The following PCDHGA7 variants were observed in gnomAD, a reference collection of about 807,000 sequenced individuals.
The protein encoded by PCDHGA7 is protocadherin gamma-A7.
In PCDHGA7, 44 loss-of-function variants were observed where a neutral mutation model predicts 58.3. That is an observed-to-expected ratio of 0.75 (90% CI 0.59 to 0.97). The LOEUF (loss-of-function observed/expected upper bound fraction) is 0.97, where lower values mean the gene tolerates loss of function less well. PCDHGA7 is among the 50% of genes least tolerant of loss of function. The probability of loss-of-function intolerance (pLI) is 0.00; values close to 1 mark genes in which losing one functional copy is unlikely to be tolerated. For missense variants in PCDHGA7, 1,266 were observed against 1,188.7 expected (o/e 1.06, Z -0.96); for synonymous variants, 516 against 504.2 (o/e 1.02, Z -0.31).
At chr5:141,415,081 C>T in intron 1 of PCDHGA7, 1 of 1,613,522 alleles carries the variant, frequency 6.2e-7, no homozygotes, top group Non-Finnish European at 8.5e-7. Context: ...GGCGCGAGCC[C>T]TGCTGGACAG....
intron 1 of PCDHGA7, among the ~76,000 whole-genome samples, chr5:141,435,445 C>T (rs190910353): frequency 3.9e-5 from 6 of 152,224 alleles, no homozygotes; most frequent in Middle Eastern, 3.4e-3. Flanking sequence ...TTCATTAATA[C>T]GATATCTGTA....
chr5:141,504,583 A>C (rs1230825472), intron 2 of PCDHGA7, among the ~76,000 whole-genome samples: 5 of 146,622 alleles, frequency 3.4e-5, no homozygotes, highest in Non-Finnish European at 7.4e-5. Context: ...CCATCTGCCC[A>C]GGATTCACAG....
chr5:141,472,980 CAA>C (rs60579131), intron 1 of PCDHGA7, among the ~76,000 whole-genome samples: 879 of 86,072 alleles, frequency 0.01, 5 homozygotes, highest in African/African-American at 0.015. Context: ...GAGTGAAACT[CAA>C]AAAAAAAAAA....
At chr5:141,504,709 C>G (rs11743102) in intron 2 of PCDHGA7, among the ~76,000 whole-genome samples, 29,287 of 151,306 alleles carry the variant, frequency 0.19, 2,876 homozygotes, top group Middle Eastern at 0.24. Context: ...CTTCTATGGC[C>G]GTGGATTTTA....
intron 1 of PCDHGA7, chr5:141,428,018 C>T (rs771831423): frequency 1.9e-6 from 3 of 1,604,570 alleles, no homozygotes; most frequent in Non-Finnish European, 2.6e-6. Flanking sequence ...TAGTGCCACG[C>T]GCCGCAGAGT....
In PCDHGA7 at chr5:141,487,260, C is replaced by T; in HGVS notation, c.2425-7547C>T. 6.2e-7 allele frequency: 1 copy of T among 1,614,116 alleles called. No homozygotes were observed. The highest frequency in any genetic ancestry group is 1.1e-5 in the South Asian group (1 of 91,080). On this transcript the variant is annotated intron_variant, in intron 1 of 3. Coordinates refer to ENST00000518325, the MANE Select transcript of PCDHGA7 (RefSeq NM_018920.4). The surrounding 1 kb of genome is among the most constrained non-coding windows in gnomAD (Gnocchi z 5.0). ...CGTCTAACCCTCTACTTGGCTGTGT[C>T]CCTAGTGGCAATTTGCTTTGTCTCC...
chr5:141,485,964 T>A lies in PCDHGA7; in HGVS notation c.2425-8843T>A. 1 of 1,614,162 alleles carries A rather than the reference T, an allele frequency of 6.2e-7. No homozygotes were observed. The highest frequency in any genetic ancestry group is 8.5e-7 in the Non-Finnish European group (1 of 1,180,000). On this transcript the variant is annotated intron_variant, in intron 1 of 3. Transcript: ENST00000518325. The surrounding 1 kb of genome is among the most constrained non-coding windows in gnomAD (Gnocchi z 5.7). ...CCAGCGGGCATGGTGCTCATCCAGC[T>A]CAATGCCTCAGACCCGGACCTGGGT...
intron 1 of PCDHGA7, chr5:141,415,743 T>G (rs1317934891): frequency 9.6e-6 from 3 of 311,420 alleles, no homozygotes; most frequent in Non-Finnish European, 1.2e-5. Context: ...TATTAAGGTT[T>G]TTTTTTTTTT....
At chr5:141,459,686 C>T (rs79275885) in intron 1 of PCDHGA7, among the ~76,000 whole-genome samples, 5,534 of 152,296 alleles carry the variant, frequency 0.036, 130 homozygotes, top group South Asian at 0.077. Flanking sequence ...ATGCATAAAG[C>T]GTTCCGCTTG....
chr5:141,474,011 A>T (rs910186122), intron 1 of PCDHGA7, among the ~76,000 whole-genome samples: 2 of 152,112 alleles, frequency 1.3e-5, no homozygotes, highest in Non-Finnish European at 2.9e-5. Flanking sequence ...TGGAAGTTAC[A>T]GTGAGCTATG....
At chr5:141,409,030 G>C (rs377547144) in intron 1 of PCDHGA7, 2 of 1,614,010 alleles carry the variant, frequency 1.2e-6, no homozygotes, top group South Asian at 2.2e-5. Context: ...TCAATGCTGA[G>C]ATAAACTACT....
chr5:141,466,969 C>T (rs2099133068), intron 1 of PCDHGA7, among the ~76,000 whole-genome samples: 1 of 152,068 alleles, frequency 6.6e-6, no homozygotes, highest in African/African-American at 2.4e-5. Flanking sequence ...TATTTTCTCA[C>T]AGCTCATCAT....
At chr5:141,403,579 C>T in intron 1 of PCDHGA7, 2 of 1,613,926 alleles carry the variant, frequency 1.2e-6, no homozygotes, top group South Asian at 1.1e-5. Flanking sequence ...CTGCCCACCA[C>T]CTGGTCCTCA....
Position 141,489,732 on chromosome 5 carries a change from C to T in PCDHGA7, c.2425-5075C>T, listed in dbSNP as rs1562132763. On this transcript the variant is annotated intron_variant, in intron 1 of 3. Coordinates refer to ENST00000518325, the MANE Select transcript of PCDHGA7 (RefSeq NM_018920.4). This position sits in a 1 kb window ranked among gnomAD's most constrained non-coding sequence, Gnocchi z 4.5. ...GTGCCCAGGATCCGGATGTGGGCAC[C>T]AATACTGTGAGCTTTTACACTCTAA... 3.1e-6 allele frequency: 5 copies of T among 1,614,126 alleles called. No individual in the cohort carries two copies. The highest frequency in any genetic ancestry group is 1.1e-5 in the South Asian group (1 of 91,074).
At chr5:141,415,255 A>G (rs908329007) in intron 1 of PCDHGA7, 1 of 1,613,620 alleles carries the variant, frequency 6.2e-7, no homozygotes, top group African/African-American at 1.3e-5. Context: ...CTCAGACCTC[A>G]CTCTGTACCT....
intron 1 of PCDHGA7, among the ~76,000 whole-genome samples, chr5:141,494,447 G>C (rs1413012155): frequency 6.6e-6 from 1 of 152,118 alleles, no homozygotes. Context: ...GCCACTTTAG[G>C]GGGCTTTGTC....
intron 1 of PCDHGA7, among the ~76,000 whole-genome samples, chr5:141,455,290 T>C (rs551962783): frequency 5.3e-5 from 8 of 152,206 alleles, no homozygotes; most frequent in East Asian, 1.9e-4. Flanking sequence ...TCACTTTACA[T>C]AGTTTCATCT....
chr5:141,410,847 G>GTAT, intron 1 of PCDHGA7: 2 of 158,246 alleles, frequency 1.3e-5, no homozygotes, highest in Non-Finnish European at 1.0e-5. Context: ...TTTTGTCTTT[G>GTAT]TCTTTTTTTT....
intron 1 of PCDHGA7, among the ~76,000 whole-genome samples, chr5:141,453,999 A>C (rs1561953352): frequency 6.6e-6 from 1 of 152,258 alleles, no homozygotes; most frequent in South Asian, 2.1e-4. Flanking sequence ...ATAAACCCAC[A>C]TAACATTTTA....
Sources: gnomAD v4.1 joint callset for allele counts (sites outside exome capture counted in the v4.1 genomes callset) on GRCh38, gnomAD v4.1.1 for gene constraint, Gnocchi (gnomAD v3.1) non-coding constraint, MANE v1.5 for transcripts, NCBI Gene and HGNC (gene_info 2026-07-23, HGNC 2026-07-21) for gene names.